The following SYT9 variants were observed in gnomAD, a reference collection of about 807,000 sequenced individuals.
SYT9 encodes the protein synaptotagmin-9.
A neutral mutation model predicts 48.4 loss-of-function variants in SYT9; 22 were observed. That is an observed-to-expected ratio of 0.45 (90% CI 0.32 to 0.65). The LOEUF (loss-of-function observed/expected upper bound fraction) is 0.65, where lower values mean the gene tolerates loss of function less well. Among genes scored for constraint, SYT9 ranks in the 30% least tolerant of loss-of-function variants. The pLI is 0.03. For synonymous variants in SYT9, 265 were observed against 245.0 expected (o/e 1.08, Z -0.76); for missense variants, 577 against 622.0 (o/e 0.93, Z 0.77).
intron 6 of SYT9, chr11:7,453,867 G>T: frequency 2.6e-6 from 1 of 385,078 alleles, no homozygotes; most frequent in East Asian, 1.6e-4. Context: ...GGCCGAAAGG[G>T]AGTCAGGCCA....
intron 1 of SYT9, among the ~76,000 whole-genome samples, chr11:7,280,404 AGC>A (rs1848472255): frequency 6.6e-6 from 1 of 152,256 alleles, no homozygotes; most frequent in South Asian, 2.1e-4. Context: ...CAATAATCTG[AGC>A]AACTTCTTGA....
chr11:7,241,449 A>T (rs933123174), intron 1 of SYT9, among the ~76,000 whole-genome samples: 1 of 152,222 alleles, frequency 6.6e-6, no homozygotes, highest in Non-Finnish European at 1.5e-5. Context: ...CAAAATATGA[A>T]CTTTGGTGAG....
chr11:7,407,882 C>G (rs530816186), intron 3 of SYT9, among the ~76,000 whole-genome samples: 4 of 152,282 alleles, frequency 2.6e-5, no homozygotes, highest in East Asian at 3.9e-4. Context: ...TTCCATTTGC[C>G]TATAAGGCTG....
intron 3 of SYT9, among the ~76,000 whole-genome samples, chr11:7,399,644 C>T (rs1846840725): frequency 6.6e-6 from 1 of 152,210 alleles, no homozygotes; most frequent in Non-Finnish European, 1.5e-5. Context: ...TGACACATCA[C>T]TGTTTTGGTG....
intron 1 of SYT9, among the ~76,000 whole-genome samples, chr11:7,297,532 T>C (rs1472571085): frequency 6.6e-6 from 1 of 152,200 alleles, no homozygotes; most frequent in Non-Finnish European, 1.5e-5. Flanking sequence ...TGTGTCTTAG[T>C]TGTATGGTGT....
chr11:7,368,020 G>A (rs921894750), intron 3 of SYT9, among the ~76,000 whole-genome samples: 1 of 152,144 alleles, frequency 6.6e-6, no homozygotes, highest in African/African-American at 2.4e-5. Flanking sequence ...ATGTTTAAGT[G>A]ACTTAGTCAC....
At chr11:7,398,754 T>C (rs1846814082) in intron 3 of SYT9, among the ~76,000 whole-genome samples, 1 of 152,212 alleles carries the variant, frequency 6.6e-6, no homozygotes, top group Non-Finnish European at 1.5e-5. Context: ...ATTGAAAACA[T>C]GTTGAGTGCC....
intron 3 of SYT9, among the ~76,000 whole-genome samples, chr11:7,326,612 A>G (rs1849441246): frequency 6.7e-6 from 1 of 149,562 alleles, no homozygotes; most frequent in African/African-American, 2.5e-5. Context: ...CGCATCGCCA[A>G]GTCAATCCTA....
At chr11:7,414,322 A>G (rs1458275497) in intron 3 of SYT9, among the ~76,000 whole-genome samples, 1 of 152,252 alleles carries the variant, frequency 6.6e-6, no homozygotes, top group African/African-American at 2.4e-5. Flanking sequence ...GGTGCCGTGA[A>G]AAGCCTTTTA....
At chr11:7,272,909 A>T (rs1848322722) in intron 1 of SYT9, among the ~76,000 whole-genome samples, 1 of 152,180 alleles carries the variant, frequency 6.6e-6, no homozygotes, top group Non-Finnish European at 1.5e-5. Context: ...AGGGACCCTC[A>T]ATGAGTTAGG....
intron 1 of SYT9, among the ~76,000 whole-genome samples, chr11:7,270,292 G>T (rs74707163): frequency 0.018 from 2,689 of 152,160 alleles, 72 homozygotes; most frequent in African/African-American, 0.062. Context: ...GCACATTTTA[G>T]GCTCATCTGT....
chr11:7,386,786 T>C (rs1368223235), intron 3 of SYT9, among the ~76,000 whole-genome samples: 2 of 152,190 alleles, frequency 1.3e-5, no homozygotes, highest in Admixed American at 1.3e-4. Context: ...GACCCAGCAA[T>C]CCCATTACTG....
intron 1 of SYT9, among the ~76,000 whole-genome samples, chr11:7,246,061 T>C (rs1847787475): frequency 6.6e-6 from 1 of 152,202 alleles, no homozygotes; most frequent in African/African-American, 2.4e-5. Flanking sequence ...CTTTTTTTTT[T>C]CAGTTACCAT....
At chr11:7,414,080 A>G (rs996473351) in intron 3 of SYT9, among the ~76,000 whole-genome samples, 3 of 152,232 alleles carry the variant, frequency 2.0e-5, no homozygotes, top group Non-Finnish European at 4.4e-5. Context: ...CTAGCATGGA[A>G]GTAATCTGAC....
intron 3 of SYT9, among the ~76,000 whole-genome samples, chr11:7,368,827 G>A (rs1420810481): frequency 1.1e-4 from 17 of 151,998 alleles, no homozygotes; most frequent in African/African-American, 3.9e-4. Context: ...ATGAACATAC[G>A]TGTGCATGTG....
intron 1 of SYT9, among the ~76,000 whole-genome samples, chr11:7,294,620 A>G (rs1416675346): frequency 2.0e-5 from 3 of 152,204 alleles, no homozygotes; most frequent in Admixed American, 2.0e-4. Flanking sequence ...GGCAAACTCC[A>G]TGAGGTCCTA....
At chr11:7,297,787 A>G (rs1467941729) in intron 1 of SYT9, among the ~76,000 whole-genome samples, 1 of 152,088 alleles carries the variant, frequency 6.6e-6, no homozygotes, top group Non-Finnish European at 1.5e-5. Context: ...CTCATGCTTT[A>G]TTGATATCAT....
intron 1 of SYT9, among the ~76,000 whole-genome samples, chr11:7,263,379 T>G (rs1471333403): frequency 4.6e-5 from 7 of 152,190 alleles, no homozygotes; most frequent in Admixed American, 2.0e-4. Context: ...GGCTCTGCTC[T>G]CATAGTCTAG....
At chr11:7,370,046 C>T (rs1850334147) in intron 3 of SYT9, among the ~76,000 whole-genome samples, 1 of 151,988 alleles carries the variant, frequency 6.6e-6, no homozygotes, top group Non-Finnish European at 1.5e-5. Context: ...TATCGCTCAC[C>T]CCACTCCCAC....
Sources: allele counts gnomAD v4.1 joint callset (sites outside exome capture counted in the v4.1 genomes callset), GRCh38; gene constraint gnomAD v4.1.1; transcripts MANE v1.5; gene names NCBI Gene and HGNC (gene_info 2026-07-23, HGNC 2026-07-21).